Variants in PPM1E observed in about 807,000 individuals in gnomAD.
The protein encoded by PPM1E is protein phosphatase 1E.
PPM1E carries 20 observed loss-of-function variants against 65.9 expected under a neutral mutation model. The ratio of observed to expected loss-of-function variants is 0.30; its 90% CI spans 0.21 to 0.44. The LOEUF (loss-of-function observed/expected upper bound fraction) is 0.44, where lower values mean the gene tolerates loss of function less well. Ranked by LOEUF, PPM1E falls within the 20% of genes least tolerant of loss-of-function variation. PPM1E has a pLI of 1.00. For missense variants in PPM1E, 713 were observed against 953.1 expected (o/e 0.75, Z 3.32); for synonymous variants, 352 against 374.9 (o/e 0.94, Z 0.70).
intron 1 of PPM1E, among the ~76,000 whole-genome samples, chr17:58,820,692 A>G (rs1477808712): frequency 1.3e-5 from 2 of 152,232 alleles, no homozygotes; most frequent in African/African-American, 2.4e-5. Flanking sequence ...TTATTTCATT[A>G]TAGGGTCCAA....
At chr17:58,829,049 TC>T (rs1290311854) in intron 1 of PPM1E, among the ~76,000 whole-genome samples, 1 of 152,120 alleles carries the variant, frequency 6.6e-6, no homozygotes, top group Non-Finnish European at 1.5e-5. Flanking sequence ...TTTTCTTTTT[TC>T]TTTTTTTTTG....
chr17:58,888,821 CTTAATTA>C (rs1232628361), intron 1 of PPM1E, among the ~76,000 whole-genome samples: 7 of 152,104 alleles, frequency 4.6e-5, no homozygotes, highest in African/African-American at 1.7e-4. Context: ...ATATGTAGCT[CTTAATTA>C]TTAGATAGTT....
intron 6 of PPM1E, among the ~76,000 whole-genome samples, chr17:58,975,513 G>C (rs894421340): frequency 2.0e-5 from 3 of 152,196 alleles, no homozygotes; most frequent in Non-Finnish European, 2.9e-5. Flanking sequence ...GTGGATAAGG[G>C]AGACTTCATA....
intron 1 of PPM1E, among the ~76,000 whole-genome samples, chr17:58,777,002 C>G (rs1246873390): frequency 1.3e-5 from 2 of 151,972 alleles, no homozygotes; most frequent in African/African-American, 2.4e-5. Context: ...GAGGATGAAG[C>G]AGGAAGATTG....
intron 1 of PPM1E, among the ~76,000 whole-genome samples, chr17:58,872,274 G>A (rs1339642340): frequency 2.0e-5 from 3 of 152,206 alleles, no homozygotes; most frequent in Non-Finnish European, 4.4e-5. Context: ...TCCAGCCTGG[G>A]CCATAAAGTG....
At chr17:58,935,038 G>A (rs1256575678) in intron 1 of PPM1E, among the ~76,000 whole-genome samples, 1 of 151,976 alleles carries the variant, frequency 6.6e-6, no homozygotes, top group Non-Finnish European at 1.5e-5. Flanking sequence ...AGATCACAAG[G>A]TCAGGAGTTC....
chr17:58,927,962 A>G (rs1417598062), intron 1 of PPM1E, among the ~76,000 whole-genome samples: 7 of 152,002 alleles, frequency 4.6e-5, no homozygotes, highest in Non-Finnish European at 8.8e-5. Flanking sequence ...CAGGAGGTTG[A>G]GGCAGGAAAA....
chr17:58,937,072 G>A (rs1455759599), intron 1 of PPM1E, among the ~76,000 whole-genome samples: 9 of 151,444 alleles, frequency 5.9e-5, no homozygotes, highest in South Asian at 2.1e-4. Context: ...CGAGGTGGGC[G>A]GATCATGAGG....
chr17:58,971,733 G>C (rs923101365), intron 4 of PPM1E, among the ~76,000 whole-genome samples: 1 of 152,184 alleles, frequency 6.6e-6, no homozygotes, highest in African/African-American at 2.4e-5. Context: ...ATGAAATGGA[G>C]AGCAGAATAT....
intron 1 of PPM1E, among the ~76,000 whole-genome samples, chr17:58,816,166 C>T (rs558275716): frequency 7.4e-4 from 112 of 152,048 alleles, no homozygotes; most frequent in Non-Finnish European, 1.3e-3. Context: ...GCTGGGACTA[C>T]AGGTGCGTGC....
At chr17:58,908,639 C>G (rs1299039546) in intron 1 of PPM1E, among the ~76,000 whole-genome samples, 1 of 151,316 alleles carries the variant, frequency 6.6e-6, no homozygotes, top group East Asian at 2.0e-4. Context: ...GGGGTTTCGC[C>G]ATGTTGGCCA....
intron 1 of PPM1E, among the ~76,000 whole-genome samples, chr17:58,877,537 A>G (rs1235583564): frequency 6.6e-6 from 1 of 152,130 alleles, no homozygotes; most frequent in Non-Finnish European, 1.5e-5. Context: ...TGTATTTTAG[A>G]ATTTTTGATA....
chr17:58,838,431 G>A (rs947959736), intron 1 of PPM1E, among the ~76,000 whole-genome samples: 9 of 152,106 alleles, frequency 5.9e-5, no homozygotes, highest in Non-Finnish European at 1.0e-4. Flanking sequence ...CTAAAAAGAC[G>A]CTCATCATTT....
intron 1 of PPM1E, among the ~76,000 whole-genome samples, chr17:58,828,420 G>C (rs1389104970): frequency 6.6e-6 from 1 of 151,244 alleles, no homozygotes; most frequent in East Asian, 1.9e-4. Flanking sequence ...CTATACATTG[G>C]AACCACAATG....
intron 2 of PPM1E, among the ~76,000 whole-genome samples, chr17:58,959,941 A>C (rs2029980091): frequency 1.3e-5 from 2 of 152,220 alleles, no homozygotes; most frequent in Non-Finnish European, 2.9e-5. Context: ...AAATTTTAAA[A>C]TATTCTTTAT....
At chr17:58,828,796 C>A (rs28605629) in intron 1 of PPM1E, among the ~76,000 whole-genome samples, 22,294 of 151,784 alleles carry the variant, frequency 0.15, 2,540 homozygotes, top group East Asian at 0.31. Context: ...CTGGGATTTA[C>A]CTGTCTCTAA....
intron 1 of PPM1E, among the ~76,000 whole-genome samples, chr17:58,803,186 A>G (rs1048200160): frequency 2.6e-5 from 4 of 152,190 alleles, no homozygotes; most frequent in Non-Finnish European, 5.9e-5. Flanking sequence ...GCTTTTCACC[A>G]TTAAGTATGA....
chr17:58,821,686 A>G (rs1050137988), intron 1 of PPM1E, among the ~76,000 whole-genome samples: 6 of 152,230 alleles, frequency 3.9e-5, no homozygotes, highest in African/African-American at 1.2e-4. Flanking sequence ...GAAAACTAGT[A>G]GAAGAGATGG....
At chr17:58,974,087 C>A (rs1467821524) in intron 6 of PPM1E, among the ~76,000 whole-genome samples, 1 of 151,942 alleles carries the variant, frequency 6.6e-6, no homozygotes, top group African/African-American at 2.4e-5. Flanking sequence ...AAGATTGTGC[C>A]ACTGCACTCC....
Sources: gnomAD v4.1 joint callset for allele counts (sites outside exome capture counted in the v4.1 genomes callset) on GRCh38, gnomAD v4.1.1 for gene constraint, MANE v1.5 for transcripts, NCBI Gene and HGNC (gene_info 2026-07-23, HGNC 2026-07-21) for gene names.